The following ECEL1 variants were observed in gnomAD, a reference collection of about 807,000 sequenced individuals.
The protein encoded by ECEL1 is endothelin converting enzyme like 1.
ECEL1 carries 87 observed loss-of-function variants against 101.8 expected under a neutral mutation model. That is an observed-to-expected ratio of 0.85 (90% confidence interval 0.72 to 1.02). The LOEUF is 1.02. Among genes scored for constraint, ECEL1 ranks in the 50% least tolerant of loss-of-function variants. The probability of loss-of-function intolerance (pLI) is 0.00; values close to 1 mark genes in which losing one functional copy is unlikely to be tolerated. For missense variants in ECEL1, 1,032 were observed against 1,079.2 expected (o/e 0.96, Z 0.61); for synonymous variants, 487 against 468.7 (o/e 1.04, Z -0.50).
chr2:232,484,051 G>T lies in ECEL1; in HGVS notation c.1357C>A (p.Leu453Ile). Reference sequence around the variant, plus strand: ...TGCTCATGTACAAAGAGGGCGCCAAGCGCCATGCCAAAGTGGCGATTGGCC... The same window carrying T: ...TGCTCATGTACAAAGAGGGCGCCAATCGCCATGCCAAAGTGGCGATTGGCC... Reference protein sequence around the residue: ...GQANRHFGMALGALFVHEHFS... With the variant: ...GQANRHFGMAIGALFVHEHFS... Residue 453 changes from leucine (L) to isoleucine (I), a missense_variant, in exon 7 of 18, where the codon CTT becomes ATT. By Grantham distance (5) the Leu-to-Ile change is conservative. Transcript: ENST00000304546. 1 of 1,612,762 alleles carries T rather than the reference G, an allele frequency of 6.2e-7. No homozygotes were observed.
At position 232,482,533 on chromosome 2, in the gene ECEL1, G is replaced by A. The variant is rs760879273; in HGVS notation, c.1744+17C>T. 1 of 1,614,044 alleles carries A rather than the reference G, an allele frequency of 6.2e-7. No individual in the cohort carries two copies. Among genetic ancestry groups the A allele is most frequent in the Non-Finnish European group, 8.5e-7 (1 of 1,180,026 alleles). On this transcript the variant is annotated intron_variant, in intron 11 of 17. Coordinates refer to ENST00000304546, the MANE Select transcript of ECEL1 (RefSeq NM_004826.4). ...TTCGGACCCTGCCCCGCCCGGCGTAGGGACACATCCCCTTACCCATCTGGT... is the reference window on the plus strand; with the variant it reads ...TTCGGACCCTGCCCCGCCCGGCGTAAGGACACATCCCCTTACCCATCTGGT...
Position 232,486,539 on chromosome 2 carries a change from A to G in ECEL1, c.115T>C (p.Leu39=), listed in dbSNP as rs560803020. 2.4e-4 allele frequency: 319 copies of G among 1,330,144 alleles called. 1 individual carries two copies. In the South Asian group the frequency reaches 4.7e-3, roughly 19 times the overall value. 82.4% of individuals were successfully genotyped at this position (1,330,144 alleles called of 1,614,324 possible). ...RGASLPPGFP[L]GAARSATGAR... ...CCGGTGGCGCTGCGCGCAGCGCCCA[A>G]CGGGAAGCCCGGGGGCAGGGAGGCC... is the stretch of plus-strand genomic sequence containing the variant. The change falls in exon 2 of 18, where the codon TTG becomes CTG. Residue 39 remains leucine (L), a synonymous_variant. Coordinates refer to ENST00000304546, the MANE Select transcript of ECEL1 (RefSeq NM_004826.4).
At chr2:232,480,971 C>T in intron 15 of ECEL1, 120 bp downstream of exon 15, 3 of 1,416,888 alleles carry the variant, frequency 2.1e-6, no homozygotes, top group Non-Finnish European at 2.9e-6. Flanking sequence ...CATGCCCTGC[C>T]CCACCCCAGG....
chr2:232,480,366 A>G (rs1277117163), intron 17 of ECEL1, 33 bp downstream of exon 17: 1 of 1,612,674 alleles, frequency 6.2e-7, no homozygotes, highest in Non-Finnish European at 8.5e-7. Context: ...AAACACAAGG[A>G]GTGGACAAGG....
In ECEL1 at chr2:232,481,091, G is replaced by A. The variant is rs201375083; in HGVS notation, c.2055C>T (p.His685=). ...GGTGGAGCACAGGCAGGCCGCTCACGTGGTAGGCCAGCTTGAGGCCGCCCA... is the reference window on the plus strand; with the variant it reads ...GGTGGAGCACAGGCAGGCCGCTCACATGGTAGGCCAGCTTGAGGCCGCCCA... ...ADMGGLKLAY[H]AYQKWVREHG... Residue 685 remains histidine, a splice_region_variant and synonymous_variant, in exon 15 of 18, where the codon CAC becomes CAT. Coordinates refer to ENST00000304546, the MANE Select transcript of ECEL1 (RefSeq NM_004826.4). 6.5e-5 allele frequency: 102 copies of A among 1,558,828 alleles called. No homozygotes were observed. The highest frequency in any genetic ancestry group is 1.7e-4 in the East Asian group (7 of 41,642).
chr2:232,485,750 C>A, intron 2 of ECEL1, 118 bp downstream of exon 2: 1 of 1,330,776 alleles, frequency 7.5e-7, no homozygotes, highest in Non-Finnish European at 1.0e-6. Flanking sequence ...CCCTCTCCTG[C>A]TCGTCTCTTC....
At chr2:232,485,141 G>A (rs916333269) in intron 3 of ECEL1, 50 bp from the exon 4 acceptor site, 6 of 1,611,978 alleles carry the variant, frequency 3.7e-6, no homozygotes, top group Non-Finnish European at 3.4e-6. Context: ...GCCTAGCCTG[G>A]ATCCACCCCT....
chr2:232,486,711 C>A lies in ECEL1; in HGVS notation c.-58G>T. 2 of 1,397,178 alleles carry A rather than the reference C, an allele frequency of 1.4e-6. No individual in the cohort carries two copies. The highest frequency in any genetic ancestry group is 1.9e-6 in the Non-Finnish European group (2 of 1,080,608). The allele number at this position is 1,397,178 out of a possible 1,614,324, so 86.5% of individuals were successfully genotyped here. The stretch of plus-strand genomic sequence containing the variant: ...CACCTGGGCTACGGGATGCGCGTGG[C>A]CGCCGGCCTCCTCGTGGGCCTCCGC... On this transcript the variant is annotated 5_prime_UTR_variant, in exon 2 of 18. Transcript: ENST00000304546.
Position 232,482,888 on chromosome 2 carries a change from A to G in ECEL1, c.1648T>C (p.Ser550Pro). 6.2e-7 allele frequency: 1 copy of G among 1,614,180 alleles called. No individual in the cohort carries two copies. The highest frequency in any genetic ancestry group is 1.7e-5 in the Admixed American group (1 of 60,030). Residue 550 changes from serine to proline, a missense_variant, in exon 10 of 18, where the codon TCA becomes CCA. Coordinates refer to ENST00000304546, the MANE Select transcript of ECEL1 (RefSeq NM_004826.4). ...LNSIRFSIQL[S>P]VKKIRQEVDK... ...ACCTCCTGCCGAATCTTCTTAACTG[A>G]GAGCTGGATGCTGAAGCGGATGCTG...
At chr2:232,480,611 G>A in intron 16 of ECEL1, 107 bp downstream of exon 16, 2 of 1,498,290 alleles carry the variant, frequency 1.3e-6, no homozygotes, top group African/African-American at 1.4e-5. Flanking sequence ...GACAGGTGAT[G>A]ACAGACAGGC....
At chr2:232,485,606 C>T (rs1690699865) in intron 2 of ECEL1, among the ~76,000 whole-genome samples, 1 of 152,246 alleles carries the variant, frequency 6.6e-6, no homozygotes, top group African/African-American at 2.4e-5. Flanking sequence ...CGCGCCTCTC[C>T]CTCCTGGCCC....
chr2:232,484,840 G>A lies in ECEL1; in HGVS notation c.1020C>T (p.Asn340=). ...TCTGCAGCTGCCCCAGCGTCACCTTGTTGTACATGGAGCTGACATCTCGCC... is the reference window on the plus strand; with the variant it reads ...TCTGCAGCTGCCCCAGCGTCACCTTATTGTACATGGAGCTGACATCTCGCC... ...DLRRDVSSMY[N]KVTLGQLQKI... The change falls in exon 5 of 18, where the codon AAC becomes AAT. Residue 340 remains asparagine (N), a synonymous_variant. Coordinates refer to ENST00000304546, the MANE Select transcript of ECEL1 (RefSeq NM_004826.4). The A allele has an allele frequency of 6.2e-7, 1 of 1,613,990 alleles. No homozygotes were observed. The highest frequency in any genetic ancestry group is 8.5e-7 in the Non-Finnish European group (1 of 1,180,026).
chr2:232,484,127 C>T lies in ECEL1; in HGVS notation c.1281G>A (p.Glu427=), dbSNP rs756420082. 1 of 1,613,744 alleles carries T rather than the reference C, an allele frequency of 6.2e-7. No individual in the cohort carries two copies. Among genetic ancestry groups the T allele is most frequent in the East Asian group, 2.2e-5 (1 of 44,878 alleles). Reference sequence around the variant, plus strand: ...CCTGTGGCTTGTCGCTGCCCTCCATCTCCTGTGCCAGCTCGTGCAGTGCCT... The same window carrying T: ...CCTGTGGCTTGTCGCTGCCCTCCATTTCCTGTGCCAGCTCGTGCAGTGCCT... ...FREALHELAQ[E]MEGSDKPQEL... is the part of the protein sequence containing the mutation. The change falls in exon 7 of 18, where the codon GAG becomes GAA. Residue 427 remains glutamate (E), a synonymous_variant. Transcript: ENST00000304546.
At chr2:232,480,630 C>T (rs947661766) in intron 16 of ECEL1, 88 bp downstream of exon 16, 25 of 1,531,424 alleles carry the variant, frequency 1.6e-5, no homozygotes, top group Admixed American at 5.4e-5. Flanking sequence ...GCTGTCCATG[C>T]GAAGCCTGGG....
chr2:232,482,523 G>T (rs376897552), intron 11 of ECEL1, 27 bp downstream of exon 11: 1 of 1,613,960 alleles, frequency 6.2e-7, no homozygotes. Flanking sequence ...ACCCTGCCCC[G>T]CCCGGCGTAG....
At position 232,486,139 on chromosome 2, in the gene ECEL1, G is replaced by C; in HGVS notation, c.515C>G (p.Pro172Arg). ...CACCTTGCGCTGGGCCGCGCCGCCA[G>C]GCCCACCCCCGGGCCGCGCCAGCAG... ...RRLLARPGGG[P>R]GGAAQRKVRA... Residue 172 changes from proline (P) to arginine (R), a missense_variant, in exon 2 of 18, where the codon CCT becomes CGT. Pro to Arg is a moderately radical substitution (Grantham distance 103). Transcript: ENST00000304546. 1 of 1,564,396 alleles carries C rather than the reference G, an allele frequency of 6.4e-7. No homozygotes were observed. The highest frequency in any genetic ancestry group is 8.6e-7 in the Non-Finnish European group (1 of 1,159,888).
chr2:232,486,572 CG>C lies in ECEL1; in HGVS notation c.81del (p.Ala28ArgfsTer175). ...CCCGGGGGCAGGGAGGCCCCGCGCG[CG>C]CCCCCCGCGCCGCAGCGGCTCACGT... The part of the protein sequence containing the change: ...VKYVSRCGAG[G>X]ARGASLPPGF... On this transcript the variant is annotated frameshift_variant, in exon 2 of 18. Transcript: ENST00000304546. LOFTEE classifies it high-confidence loss of function. 1.4e-6 allele frequency: 2 copies of C among 1,381,746 alleles called. No individual in the cohort carries two copies. The highest frequency in any genetic ancestry group is 1.7e-5 in the South Asian group (1 of 60,190). 85.6% of individuals were successfully genotyped at this position (1,381,746 alleles called of 1,614,324 possible). A position where few individuals can be genotyped will look rare whatever the true frequency, so the allele number is the denominator to read the frequency against.
chr2:232,482,368 G>T (rs766017094), intron 12 of ECEL1, 50 bp downstream of exon 12: 25 of 1,611,514 alleles, frequency 1.6e-5, no homozygotes, highest in Middle Eastern at 1.7e-4. Context: ...GACAAGGTCT[G>T]CAATGCCAGC....
chr2:232,480,020 G>T lies in ECEL1; in HGVS notation c.*133C>A. On this transcript the variant is annotated 3_prime_UTR_variant, in exon 18 of 18. Transcript: ENST00000304546. ...CTCCTGAAGTGAGGGGCAGCAGGGG[G>T]ACCGGGTCCTGGAGGGGCTGGAAGG... 1.2e-6 allele frequency: 1 copy of T among 813,024 alleles called. No homozygotes were observed. The highest frequency in any genetic ancestry group is 2.5e-5 in the Admixed American group (1 of 39,220). The allele number at this position is 813,024 out of a possible 1,614,324, so 50.4% of individuals were successfully genotyped here. A position where few individuals can be genotyped will look rare whatever the true frequency, so the allele number is the denominator to read the frequency against.
Sources: allele counts gnomAD v4.1 joint callset (sites outside exome capture counted in the v4.1 genomes callset), GRCh38; gene constraint gnomAD v4.1.1; transcripts MANE v1.5; gene names NCBI Gene and HGNC (gene_info 2026-07-23, HGNC 2026-07-21).